Variants in HSPA12A observed in about 807,000 individuals in gnomAD.
HSPA12A encodes the protein heat shock protein family A (Hsp70) member 12A, also known as heat shock 70 kDa protein 12A.
A neutral mutation model predicts 69.2 loss-of-function variants in HSPA12A; 28 were observed. The ratio of observed to expected loss-of-function variants is 0.40; its 90% confidence interval spans 0.30 to 0.55. The LOEUF is 0.55. Ranked by LOEUF, HSPA12A falls within the 20% of genes least tolerant of loss-of-function variation. The probability of loss-of-function intolerance (pLI) is 0.38; values close to 1 mark genes in which losing one functional copy is unlikely to be tolerated. For missense variants in HSPA12A, 686 were observed against 900.7 expected, an observed-to-expected ratio of 0.76 and a Z score of 3.05; for synonymous variants, 345 against 370.5, an observed-to-expected ratio of 0.93 and a Z score of 0.79.
intron 2 of HSPA12A, among the ~76,000 whole-genome samples, chr10:116,759,961 G>T (rs948366440): frequency 1.3e-5 from 2 of 152,228 alleles, no homozygotes; most frequent in Non-Finnish European, 2.9e-5. Flanking sequence ...CACCATGAGG[G>T]TAAGGCCTCC....
At position 116,674,521 on chromosome 10, in the gene HSPA12A, T is replaced by G; in HGVS notation, c.*260A>C. Reference sequence around the variant, plus strand: ...CCCTTCTCCGTGGCCATTTCACCACTTTTGTACCTATGAAAACTAGCTGCT... The same window carrying G: ...CCCTTCTCCGTGGCCATTTCACCACGTTTGTACCTATGAAAACTAGCTGCT... On this transcript the variant is annotated 3_prime_UTR_variant, in exon 12 of 12. Transcript: ENST00000369209. 1 of 520,266 alleles carries G rather than the reference T, an allele frequency of 1.9e-6. No individual in the cohort carries two copies. The highest frequency in any genetic ancestry group is 2.3e-5 in the South Asian group (1 of 42,850). 32.2% of individuals were successfully genotyped at this position (520,266 alleles called of 1,614,324 possible).
At chr10:116,709,312 G>C (rs1850352916) in intron 1 of HSPA12A, among the ~76,000 whole-genome samples, 1 of 152,092 alleles carries the variant, frequency 6.6e-6, no homozygotes. Context: ...GCCAGGCGTG[G>C]TGGCACATGC....
chr10:116,791,781 C>T (rs1379471239), intron 2 of HSPA12A, among the ~76,000 whole-genome samples: 1 of 152,072 alleles, frequency 6.6e-6, no homozygotes, highest in African/African-American at 2.4e-5. Flanking sequence ...CCAGCACCCC[C>T]GAGTTCACCT....
At position 116,707,189 on chromosome 10, in the gene HSPA12A, AC is replaced by A. The variant is rs1850283013; in HGVS notation, c.126+10del. 1.4e-5 allele frequency: 22 copies of A among 1,573,500 alleles called. No homozygotes were observed. The Admixed American group carries it at 1.7e-4, about 12-fold the overall frequency. On this transcript the variant is annotated intron_variant, in intron 2 of 11. Transcript: ENST00000369209. The stretch of plus-strand genomic sequence containing the variant: ...CACACACACACACACACACACACAC[AC>A]ACTTCTTACCACAATATGGGAGGGG...
intron 1 of HSPA12A, among the ~76,000 whole-genome samples, chr10:116,842,598 T>C (rs1845818704): frequency 6.6e-6 from 1 of 152,168 alleles, no homozygotes; most frequent in Admixed American, 6.5e-5. Context: ...CAAAAGAGTT[T>C]GCTTAAAGAG....
At chr10:116,717,430 G>C (rs1850641642) in intron 1 of HSPA12A, among the ~76,000 whole-genome samples, 1 of 152,152 alleles carries the variant, frequency 6.6e-6, no homozygotes, top group Non-Finnish European at 1.5e-5. Flanking sequence ...GTATTCTTTG[G>C]TCTGCAAAGC....
Position 116,824,954 on chromosome 10 carries a change from G to A in HSPA12A, c.91+9981C>T, listed in dbSNP as rs577274097. ...GCTAATCCCAGCACTTTGGAAGGCC[G>A]AGGCAGGCAGATCATTTGAGCCTAG... On this transcript the variant is annotated intron_variant, in intron 2 of 12. Transcript: ENST00000635765. Among the ~76,000 whole-genome samples, 17 of 151,232 alleles carry A rather than the reference G, an allele frequency of 1.1e-4. No individual in the cohort carries two copies. The South Asian group carries it at 1.7e-3, about 15-fold the overall frequency.
At chr10:116,800,190 C>T (rs183655807) in intron 2 of HSPA12A, among the ~76,000 whole-genome samples, 6 of 152,278 alleles carry the variant, frequency 3.9e-5, no homozygotes, top group Admixed American at 2.6e-4. Context: ...GCTCTAGCTT[C>T]GGTACCAGCC....
At chr10:116,808,688 C>G (rs901505264) in intron 2 of HSPA12A, among the ~76,000 whole-genome samples, 2 of 152,162 alleles carry the variant, frequency 1.3e-5, no homozygotes, top group Non-Finnish European at 2.9e-5. Context: ...TGGCCAGATC[C>G]ATGATTGTGC....
chr10:116,694,094 C>T (rs887291021), intron 5 of HSPA12A, among the ~76,000 whole-genome samples: 2 of 152,186 alleles, frequency 1.3e-5, no homozygotes, highest in Non-Finnish European at 2.9e-5. Context: ...TGAGGGGCTT[C>T]CTTGAGCTGT....
At chr10:116,839,967 C>T (rs928139585) in intron 1 of HSPA12A, among the ~76,000 whole-genome samples, 2 of 151,796 alleles carry the variant, frequency 1.3e-5, no homozygotes, top group African/African-American at 4.8e-5. Flanking sequence ...CAAGGCATGC[C>T]CCTAGTGAAT....
Position 116,675,185 on chromosome 10 carries a change from G to A in HSPA12A, c.1624C>T (p.Leu542=). ...RSPLTYGVGV[L]NRYVEGKHPP... is the part of the protein sequence containing the mutation. The stretch of plus-strand genomic sequence containing the variant: ...TGCTTGCCCTCCACGTAGCGGTTCA[G>A]CACGCCTACCCCGTAGGTGAGCGGC... Residue 542 remains leucine, a synonymous_variant, in exon 12 of 12, where the codon CTG becomes TTG. Coordinates refer to ENST00000369209, the MANE Select transcript of HSPA12A (RefSeq NM_025015.3). This position sits in a 1 kb window ranked among gnomAD's most constrained non-coding sequence, Gnocchi z 5.2. 6.2e-7 allele frequency: 1 copy of A among 1,613,824 alleles called. No homozygotes were observed. Among genetic ancestry groups the A allele is most frequent in the Non-Finnish European group, 8.5e-7 (1 of 1,180,028 alleles).
chr10:116,781,980 C>A (rs1554891855), intron 2 of HSPA12A, among the ~76,000 whole-genome samples: 1 of 152,152 alleles, frequency 6.6e-6, no homozygotes, highest in African/African-American at 2.4e-5. Flanking sequence ...TTCCTTACAC[C>A]TGTGAGTGAC....
intron 2 of HSPA12A, among the ~76,000 whole-genome samples, chr10:116,799,300 CT>C (rs1188135629): frequency 6.6e-6 from 1 of 152,228 alleles, no homozygotes; most frequent in Non-Finnish European, 1.5e-5. Flanking sequence ...AAAACAGGGC[CT>C]TCTGTTCCTT....
chr10:116,706,163 G>A (rs1354444735), intron 2 of HSPA12A, among the ~76,000 whole-genome samples: 3 of 151,242 alleles, frequency 2.0e-5, no homozygotes, highest in African/African-American at 7.3e-5. Flanking sequence ...CCAAAGTGCT[G>A]GGATCATAGG....
intron 10 of HSPA12A, 86 bp downstream of exon 10, chr10:116,679,417 C>G: frequency 1.3e-6 from 2 of 1,528,588 alleles, no homozygotes; most frequent in Non-Finnish European, 1.8e-6. Flanking sequence ...GGATTGGAAC[C>G]CGAAGTCCAC....
chr10:116,730,772 A>C (rs948636189), intron 1 of HSPA12A, among the ~76,000 whole-genome samples: 6 of 152,208 alleles, frequency 3.9e-5, no homozygotes, highest in African/African-American at 1.4e-4. Context: ...GACGCTCAAA[A>C]ATATCTTGGA....
chr10:116,683,112 G>A (rs1224366983), intron 7 of HSPA12A, among the ~76,000 whole-genome samples: 1 of 151,778 alleles, frequency 6.6e-6, no homozygotes, highest in Non-Finnish European at 1.5e-5. Flanking sequence ...CTCACTTAGC[G>A]CTCATATTGG....
At chr10:116,762,136 G>A (rs891259861) in intron 2 of HSPA12A, among the ~76,000 whole-genome samples, 38 of 152,154 alleles carry the variant, frequency 2.5e-4, no homozygotes, top group African/African-American at 8.0e-4. Flanking sequence ...GACCTTTGGC[G>A]TAGCATAAGC....
Sources: allele counts gnomAD v4.1 joint callset (sites outside exome capture counted in the v4.1 genomes callset), GRCh38; gene constraint gnomAD v4.1.1; non-coding constraint Gnocchi (gnomAD v3.1); transcripts MANE v1.5; gene names NCBI Gene and HGNC (gene_info 2026-07-23, HGNC 2026-07-21).